Variants in POLE observed in about 807,000 individuals in gnomAD.
POLE encodes DNA polymerase epsilon, catalytic subunit, also known as DNA polymerase epsilon catalytic subunit A.
A neutral mutation model predicts 279.2 loss-of-function variants in POLE; 188 were observed. The ratio of observed to expected loss-of-function variants is 0.67; its 90% CI spans 0.60 to 0.76. The LOEUF (loss-of-function observed/expected upper bound fraction) is 0.76. POLE is among the 30% of genes least tolerant of loss of function. POLE has a pLI of 0.00. For missense variants in POLE, 2,703 were observed against 3,016.7 expected (o/e 0.90, Z 2.44); for synonymous variants, 1,214 against 1,172.5 (o/e 1.04, Z -0.72).
At position 132,668,057 on chromosome 12, in the gene POLE, T is replaced by C. The variant is rs1354105016; in HGVS notation, c.2173+299A>G. 6.6e-6 allele frequency among the ~76,000 whole-genome samples: 1 copy of C among 150,502 alleles called. No homozygotes were observed. The highest frequency in any genetic ancestry group is 1.5e-5 in the Non-Finnish European group (1 of 67,790). On this transcript the variant is annotated intron_variant, in intron 19 of 48. Transcript: ENST00000320574. This position sits in a 1 kb window ranked among gnomAD's most constrained non-coding sequence, Gnocchi z 4.0. The stretch of plus-strand genomic sequence containing the variant: ...AAGATCACACCACTGCATTCCAGCC[T>C]GGGTGACAGAGTGAGACCTCATTTC...
Position 132,679,496 on chromosome 12 carries a change from C to A in POLE, c.578+1G>T, listed in dbSNP as rs1565979631. The A allele has an allele frequency of 3.8e-6, 6 of 1,596,746 alleles. No homozygotes were observed. Among genetic ancestry groups the A allele is most frequent in the Non-Finnish European group, 5.1e-6 (6 of 1,165,810 alleles). ...GCTTTGCTCACAAGACCAAAGTTTA[C>A]CTGGAAAGCAGAGCTGTGTACGCGT... is the stretch of plus-strand genomic sequence containing the variant. On this transcript the variant is annotated splice_donor_variant, in intron 6 of 48. Coordinates refer to ENST00000320574, the MANE Select transcript of POLE (RefSeq NM_006231.4). LOFTEE classifies it high-confidence loss of function.
chr12:132,641,923 C>G, intron 38 of POLE, 72 bp from the exon 39 acceptor site: 6 of 1,394,420 alleles, frequency 4.3e-6, no homozygotes, highest in Non-Finnish European at 6.0e-6. Context: ...GGGCCTGACT[C>G]CAGCCACCAC....
Position 132,672,261 on chromosome 12 carries a change from T to C in POLE, c.1748A>G (p.Glu583Gly). Residue 583 changes from glutamate to glycine, a missense_variant, in exon 16 of 49, where the codon GAG becomes GGG. Physicochemically the swap from Glu to Gly is moderately conservative, Grantham distance 98. Around this residue, in one of 5 missense-constraint regions of POLE, gnomAD observed 1,011 missense variants for 1,111.7 expected, o/e 0.91. Coordinates refer to ENST00000320574, the MANE Select transcript of POLE (RefSeq NM_006231.4). ...RVEKTLRHALEEEEKVPVEQV... is the reference protein window; with the variant it reads ...RVEKTLRHALGEEEKVPVEQV... ...CTCCACAGGCACTTTCTCCTCTTCCTCAAGGGCGTGGCGCAAGGTCTTCTC... is the reference window on the plus strand; with the variant it reads ...CTCCACAGGCACTTTCTCCTCTTCCCCAAGGGCGTGGCGCAAGGTCTTCTC... The C allele has an allele frequency of 1.9e-6, 3 of 1,614,154 alleles. No homozygotes were observed. Among genetic ancestry groups the C allele is most frequent in the Non-Finnish European group, 2.5e-6 (3 of 1,180,026 alleles).
intron 5 of POLE, 132 bp from the exon 6 acceptor site, chr12:132,679,783 G>C: frequency 9.0e-7 from 1 of 1,114,092 alleles, no homozygotes; most frequent in Middle Eastern, 2.0e-4. Flanking sequence ...AACTCTGCAC[G>C]TGGCACCAAC....
chr12:132,630,390 C>G (rs552327224), intron 45 of POLE, among the ~76,000 whole-genome samples: 7 of 152,282 alleles, frequency 4.6e-5, no homozygotes, highest in Non-Finnish European at 1.0e-4. Flanking sequence ...AAAATTAACT[C>G]AAATGGATAA....
chr12:132,642,067 T>G, intron 38 of POLE, 110 bp downstream of exon 38: 1 of 1,077,794 alleles, frequency 9.3e-7, no homozygotes, highest in Non-Finnish European at 1.4e-6. Context: ...AGCTCTGACC[T>G]GCGCGGTCGA....
chr12:132,637,398 AGCGCACC>A (rs2042055343), intron 41 of POLE, among the ~76,000 whole-genome samples: 1 of 152,216 alleles, frequency 6.6e-6, no homozygotes, highest in Non-Finnish European at 1.5e-5. Context: ...CCCCAGGGTG[AGCGCACC>A]TAGGAGGGAG....
intron 3 of POLE, 138 bp downstream of exon 3, chr12:132,680,469 T>TG: frequency 1.4e-6 from 1 of 715,734 alleles, no homozygotes; most frequent in Non-Finnish European, 2.4e-6. Context: ...TGATGACTGA[T>TG]GGGGCCTCCA....
intron 43 of POLE, chr12:132,633,090 A>C: frequency 4.2e-6 from 1 of 238,146 alleles, no homozygotes; most frequent in Non-Finnish European, 8.1e-6. Flanking sequence ...TCCCAACACA[A>C]GCAAAGGCAG....
At position 132,677,674 on chromosome 12, in the gene POLE, A is replaced by G. The variant is rs1593082066; in HGVS notation, c.624T>C (p.Ser208=). 6.2e-7 allele frequency: 1 copy of G among 1,614,180 alleles called. No individual in the cohort carries two copies. Among genetic ancestry groups the G allele is most frequent in the African/African-American group, 1.3e-5 (1 of 75,058 alleles). Residue 208 remains serine (S), a synonymous_variant, in exon 7 of 49, where the codon TCT becomes TCC. Transcript: ENST00000320574. ...GGVITDEEET[S]KKIADQLDNI... is the part of the protein sequence containing the mutation. ...TGTCCAACTGGTCAGCTATCTTCTT[A>G]GAGGTTTCCTCTTCATCAGTAATGA...
intron 45 of POLE, among the ~76,000 whole-genome samples, 168 bp downstream of exon 45, chr12:132,632,147 T>C (rs751574255): frequency 6.6e-6 from 1 of 152,130 alleles, no homozygotes; most frequent in Non-Finnish European, 1.5e-5. Context: ...TCATCCTGCA[T>C]TCATTAACAT....
In POLE at chr12:132,634,124, C is replaced by T; in HGVS notation, c.6004+62G>A. On this transcript the variant is annotated intron_variant, in intron 43 of 48. Coordinates refer to ENST00000320574, the MANE Select transcript of POLE (RefSeq NM_006231.4). The surrounding 1 kb of genome is among the most constrained non-coding windows in gnomAD (Gnocchi z 4.0). ...TTCTTGCGATACCATGGCACAGGAG[C>T]CACATCTACTAACCATGAGTCCCTT... 7.1e-7 allele frequency: 1 copy of T among 1,403,864 alleles called. No homozygotes were observed. Among genetic ancestry groups the T allele is most frequent in the South Asian group, 1.3e-5 (1 of 75,998 alleles). 87.0% of individuals were successfully genotyped at this position (1,403,864 alleles called of 1,614,324 possible).
In POLE at chr12:132,625,671, GCTT is replaced by G. The variant is rs749852259; in HGVS notation, c.6628_6630del (p.Lys2210del). The G allele has an allele frequency of 6.2e-7, 1 of 1,613,754 alleles. No individual in the cohort carries two copies. Among genetic ancestry groups the G allele is most frequent in the South Asian group, 1.1e-5 (1 of 91,088 alleles). On this transcript the variant is annotated inframe_deletion, in exon 47 of 49. Transcript: ENST00000320574. ...AGGTCCTGCAGGGTGAAGGCCATCA[GCTT>G]CTTCTGTAGAACTTCCACCAGCGTC...
intron 32 of POLE, among the ~76,000 whole-genome samples, chr12:132,646,927 G>A (rs1212567139): frequency 6.6e-6 from 1 of 152,132 alleles, no homozygotes; most frequent in Admixed American, 6.5e-5. Flanking sequence ...TCGAATGCCT[G>A]AGCTCAAGCA....
rs1593696346 is a variant in POLE, at chr12:132,625,689, C to T, written c.6613G>A (p.Glu2205Lys). The T allele has an allele frequency of 6.2e-7, 1 of 1,613,820 alleles. No homozygotes were observed. Residue 2205 changes from glutamate to lysine, a missense_variant, in exon 47 of 49, where the codon GAA (glutamate) becomes AAA (lysine). By Grantham distance (56) the Glu-to-Lys change is moderately conservative. Around this residue, in one of 5 missense-constraint regions of POLE, gnomAD observed 1,551 missense variants for 1,686.1 expected, o/e 0.92. Coordinates refer to ENST00000320574, the MANE Select transcript of POLE (RefSeq NM_006231.4). ...GCCATCAGCTTCTTCTGTAGAACTTCCACCAGCGTCATCTCGATGGCAGAG... is the reference window on the plus strand; with the variant it reads ...GCCATCAGCTTCTTCTGTAGAACTTTCACCAGCGTCATCTCGATGGCAGAG... Reference protein sequence around the residue: ...DSSAIEMTLVEVLQKKLMAFT... With the variant: ...DSSAIEMTLVKVLQKKLMAFT...
In POLE at chr12:132,673,189, G is replaced by A. The variant is rs1593072208; in HGVS notation, c.1448C>T (p.Thr483Ile). 1 of 1,611,874 alleles carries A rather than the reference G, an allele frequency of 6.2e-7. No homozygotes were observed. The highest frequency in any genetic ancestry group is 8.5e-7 in the Non-Finnish European group (1 of 1,177,892). ...CTCGTCGGGCTCCATGGGAATAATG[G>A]TGCACAGAGCAAAGATGAATGGGTG... ...YVHPFIFALCTIIPMEPDEVL... is the reference protein window; with the variant it reads ...YVHPFIFALCIIIPMEPDEVL... The change falls in exon 14 of 49, where the codon ACC becomes ATC. Residue 483 changes from threonine to isoleucine, a missense_variant. By Grantham distance (89) the Thr-to-Ile change is moderately conservative. Transcript: ENST00000320574.
intron 39 of POLE, 91 bp downstream of exon 39, chr12:132,641,556 A>G (rs576623346): frequency 3.5e-5 from 39 of 1,104,984 alleles, no homozygotes; most frequent in East Asian, 2.5e-4. Flanking sequence ...GGGAAGCCCA[A>G]TGGACCCTGT....
At chr12:132,660,756 G>T in intron 25 of POLE, 1 of 401,484 alleles carries the variant, frequency 2.5e-6, no homozygotes, top group Non-Finnish European at 4.4e-6. Context: ...ACGCTATTTA[G>T]AAAAACGTTT....
chr12:132,643,045 G>A (rs751627012), intron 35 of POLE, 49 bp from the exon 36 acceptor site: 4 of 1,541,732 alleles, frequency 2.6e-6, no homozygotes, highest in South Asian at 1.2e-5. Flanking sequence ...GGAGGAAGTG[G>A]GGGCAGCCCT....
Sources: gnomAD v4.1 joint callset for allele counts (sites outside exome capture counted in the v4.1 genomes callset) on GRCh38, gnomAD v4.1.1 for gene constraint, gnomAD v4.1.1 regional missense constraint, Gnocchi (gnomAD v3.1) non-coding constraint, MANE v1.5 for transcripts, NCBI Gene and HGNC (gene_info 2026-07-23, HGNC 2026-07-21) for gene names.